The following WDR19 variants were observed in gnomAD, a reference collection of about 807,000 sequenced individuals.
The protein encoded by WDR19 is WD repeat domain 19, also known as WD repeat-containing protein 19.
Under a neutral mutation model 180.0 loss-of-function variants are expected in WDR19, and 121 were observed. That is an observed-to-expected ratio of 0.67 (90% CI 0.58 to 0.78). WDR19 has a LOEUF of 0.78. Ranked by LOEUF, WDR19 falls within the 30% of genes least tolerant of loss-of-function variation. The pLI is 0.00. For synonymous variants in WDR19, 497 were observed against 540.7 expected (o/e 0.92, Z 1.12); for missense variants, 1,450 against 1,640.7 (o/e 0.88, Z 2.01).
At chr4:39,280,819 G>A (rs1736422750) in intron 36 of WDR19, among the ~76,000 whole-genome samples, 1 of 152,164 alleles carries the variant, frequency 6.6e-6, no homozygotes, top group African/African-American at 2.4e-5. Context: ...CCAAGGTCAT[G>A]AAGATTTACA....
chr4:39,273,266 G>T (rs1051942793), intron 32 of WDR19: 55 of 517,116 alleles, frequency 1.1e-4, no homozygotes, highest in African/African-American at 9.1e-4. Flanking sequence ...ACACACAGTA[G>T]TACCAAAGCC....
chr4:39,277,144 G>A lies in WDR19; in HGVS notation c.3840+1G>A. 1.2e-6 allele frequency: 2 copies of A among 1,602,104 alleles called. No homozygotes were observed. The highest frequency in any genetic ancestry group is 1.7e-6 in the Non-Finnish European group (2 of 1,175,268). On this transcript the variant is annotated splice_donor_variant, in intron 34 of 36. Coordinates refer to ENST00000399820, the MANE Select transcript of WDR19 (RefSeq NM_025132.4). LOFTEE classifies it high-confidence loss of function. ...CAGTATCCCATATTGCATTGCAACAGTGAGTTCCTTTATAGTAATTTCCCT... is the reference window on the plus strand; with the variant it reads ...CAGTATCCCATATTGCATTGCAACAATGAGTTCCTTTATAGTAATTTCCCT...
chr4:39,203,845 C>A, intron 7 of WDR19, 123 bp downstream of exon 7: 1 of 959,538 alleles, frequency 1.0e-6, no homozygotes, highest in Admixed American at 2.0e-5. Flanking sequence ...GTATTTTAAG[C>A]CAAGGTAGAG....
intron 14 of WDR19, chr4:39,218,531 C>T (rs1729321739): frequency 6.5e-6 from 1 of 155,036 alleles, no homozygotes; most frequent in Admixed American, 6.4e-5. Context: ...CTGTATAGGG[C>T]ACTTACCATG....
At chr4:39,234,182 G>A (rs566716219) in intron 19 of WDR19, among the ~76,000 whole-genome samples, 6 of 152,274 alleles carry the variant, frequency 3.9e-5, no homozygotes, top group Admixed American at 3.3e-4. Context: ...AGCTATTATT[G>A]TTTAGGAAGT....
chr4:39,225,068 G>A, intron 15 of WDR19, 35 bp downstream of exon 15: 1 of 1,469,402 alleles, frequency 6.8e-7, no homozygotes, highest in Non-Finnish European at 9.0e-7. Flanking sequence ...TTTATTTTTT[G>A]AAATGCAATA....
At chr4:39,229,603 G>T (rs1038129452) in intron 17 of WDR19, among the ~76,000 whole-genome samples, 1 of 151,424 alleles carries the variant, frequency 6.6e-6, no homozygotes, top group Non-Finnish European at 1.5e-5. Flanking sequence ...TTCCTTTGAC[G>T]TTCTAATTCT....
chr4:39,222,694 C>CT (rs1226522526), intron 14 of WDR19, among the ~76,000 whole-genome samples: 1 of 152,098 alleles, frequency 6.6e-6, no homozygotes, highest in Non-Finnish European at 1.5e-5. Context: ...AAAATGTTAC[C>CT]TTTTTTTAAA....
At chr4:39,276,689 AG>A (rs1279590887) in intron 33 of WDR19, among the ~76,000 whole-genome samples, 1 of 152,178 alleles carries the variant, frequency 6.6e-6, no homozygotes, top group East Asian at 1.9e-4. Flanking sequence ...GGAGAGACAG[AG>A]GGAAAATACC....
At chr4:39,234,311 ATTACTC>A (rs1731162908) in intron 19 of WDR19, among the ~76,000 whole-genome samples, 1 of 152,174 alleles carries the variant, frequency 6.6e-6, no homozygotes. Flanking sequence ...TACATTTGCT[ATTACTC>A]TTGTGATAGA....
intron 28 of WDR19, among the ~76,000 whole-genome samples, chr4:39,260,263 G>A (rs1441125752): frequency 1.3e-5 from 2 of 151,248 alleles, no homozygotes; most frequent in East Asian, 3.9e-4. Context: ...TGATATTTCT[G>A]TAAAAACAAC....
intron 4 of WDR19, among the ~76,000 whole-genome samples, chr4:39,191,957 A>T (rs191059976): frequency 6.6e-6 from 1 of 152,338 alleles, no homozygotes; most frequent in African/African-American, 2.4e-5. Flanking sequence ...GGAAATTTAC[A>T]TATGCTTTAG....
At chr4:39,237,028 T>C (rs1468988962) in intron 20 of WDR19, among the ~76,000 whole-genome samples, 2 of 152,244 alleles carry the variant, frequency 1.3e-5, no homozygotes, top group African/African-American at 4.8e-5. Context: ...AATATAATTT[T>C]GTACATGTAT....
Position 39,270,141 on chromosome 4 carries a change from G to A in WDR19, c.3483+41G>A, listed in dbSNP as rs140394694. ...TGACTTGGGACATAACCTGCCAGGT[G>A]TTTGTCCCCCATTGAGATTTTCTCC... On this transcript the variant is annotated intron_variant, in intron 31 of 36. Transcript: ENST00000399820. The A allele has an allele frequency of 3.7e-6, 6 of 1,606,938 alleles. No individual in the cohort carries two copies. The Admixed American group carries it at 5.0e-5, about 14-fold the overall frequency.
At chr4:39,242,804 G>A (rs1382509613) in intron 21 of WDR19, among the ~76,000 whole-genome samples, 1 of 152,072 alleles carries the variant, frequency 6.6e-6, no homozygotes, top group African/African-American at 2.4e-5. Context: ...TGAATAGCTG[G>A]GATTACAGGC....
chr4:39,270,419 A>G (rs1052438131), intron 31 of WDR19, among the ~76,000 whole-genome samples: 1 of 152,196 alleles, frequency 6.6e-6, no homozygotes, highest in Admixed American at 6.5e-5. Flanking sequence ...CTCTTTACCC[A>G]GGCTGGAGTG....
At chr4:39,266,472 C>A (rs182345238) in intron 29 of WDR19, among the ~76,000 whole-genome samples, 21 of 152,302 alleles carry the variant, frequency 1.4e-4, no homozygotes, top group African/African-American at 5.1e-4. Flanking sequence ...CCACATGTGG[C>A]CTGCAGGCTG....
At chr4:39,193,543 C>T (rs1301394337) in intron 4 of WDR19, among the ~76,000 whole-genome samples, 1 of 152,100 alleles carries the variant, frequency 6.6e-6, no homozygotes, top group Non-Finnish European at 1.5e-5. Context: ...TATTTTTTCT[C>T]TTCCAAGTAA....
rs779337768 is a variant in WDR19 at position 39,244,281 on chromosome 4, C to A, written c.2455C>A (p.Gln819Lys). The A allele has an allele frequency of 2.0e-5, 32 of 1,613,572 alleles. No individual in the cohort carries two copies. Among genetic ancestry groups the A allele is most frequent in the Non-Finnish European group, 2.6e-5 (31 of 1,179,728 alleles). The change falls in exon 22 of 37, where the codon CAG (glutamine) becomes AAG (lysine). Residue 819 changes from glutamine to lysine, a missense_variant. Coordinates refer to ENST00000399820, the MANE Select transcript of WDR19 (RefSeq NM_025132.4). ...HDEACLAGVA[Q>K]MSIRMGDIRR... is the part of the protein sequence containing the mutation. ...TGAAGCTTGTCTGGCTGGAGTGGCC[C>A]AGATGTCCATAAGAATGGGAGACAT...
Sources: gnomAD v4.1 joint callset for allele counts (sites outside exome capture counted in the v4.1 genomes callset) on GRCh38, gnomAD v4.1.1 for gene constraint, MANE v1.5 for transcripts, NCBI Gene and HGNC (gene_info 2026-07-23, HGNC 2026-07-21) for gene names.